Variants in CCSER1 observed in about 807,000 individuals in gnomAD.
CCSER1 encodes coiled-coil serine rich protein 1, also known as serine-rich coiled-coil domain-containing protein 1.
CCSER1 carries 41 observed loss-of-function variants against 82.0 expected under a neutral mutation model. That is an observed-to-expected ratio of 0.50 (90% CI 0.39 to 0.65). The LOEUF (loss-of-function observed/expected upper bound fraction) is 0.65, where lower values mean the gene tolerates loss of function less well. CCSER1 is among the 30% of genes least tolerant of loss of function. The pLI, the probability that CCSER1 is intolerant of heterozygous loss-of-function variation, is 0.00. For missense variants in CCSER1, 1,119 were observed against 1,064.2 expected (o/e 1.05, Z -0.72); for synonymous variants, 414 against 383.9 (o/e 1.08, Z -0.92).
intron 2 of CCSER1, among the ~76,000 whole-genome samples, chr4:90,312,275 T>C (rs1454717765): frequency 6.6e-6 from 1 of 152,094 alleles, no homozygotes; most frequent in Non-Finnish European, 1.5e-5. Flanking sequence ...GGACATGAGA[T>C]TGCAGAGGTG....
intron 9 of CCSER1, among the ~76,000 whole-genome samples, chr4:90,961,925 G>T (rs938629239): frequency 1.3e-5 from 2 of 152,040 alleles, no homozygotes; most frequent in South Asian, 2.1e-4. Flanking sequence ...AACAGAAAAT[G>T]AGAAAAGATT....
intron 5 of CCSER1, among the ~76,000 whole-genome samples, chr4:90,610,293 AAATAAAT>A (rs1354799763): frequency 8.0e-5 from 12 of 150,680 alleles, no homozygotes; most frequent in Admixed American, 2.0e-4. Flanking sequence ...ATAAATAAAT[AAATAAAT>A]AAAATGTGAT....
intron 4 of CCSER1, among the ~76,000 whole-genome samples, chr4:90,452,846 G>A (rs767174914): frequency 2.0e-5 from 3 of 152,106 alleles, no homozygotes; most frequent in Non-Finnish European, 4.4e-5. Context: ...AAGGACATGG[G>A]CTTGATTCTT....
At chr4:91,270,805 T>C (rs1268032387) in intron 10 of CCSER1, among the ~76,000 whole-genome samples, 2 of 152,200 alleles carry the variant, frequency 1.3e-5, no homozygotes, top group African/African-American at 2.4e-5. Flanking sequence ...AGTATGGAGA[T>C]AATATATGCT....
chr4:90,407,746 G>A (rs1378242347), intron 4 of CCSER1, among the ~76,000 whole-genome samples: 1 of 152,164 alleles, frequency 6.6e-6, no homozygotes. Flanking sequence ...TTCCAACTGA[G>A]GTACTGGGTT....
At position 91,243,407 on chromosome 4, in the gene CCSER1, T is replaced by C. The variant is rs541793643; in HGVS notation, c.2217+157413T>C. Among the ~76,000 whole-genome samples the C allele has an allele frequency of 8.1e-4, 123 of 152,098 alleles. 1 individual carries two copies. In the South Asian group the frequency reaches 0.013, roughly 16 times the overall value. On this transcript the variant is annotated intron_variant, in intron 10 of 10. Coordinates refer to ENST00000509176, the MANE Select transcript of CCSER1 (RefSeq NM_001145065.2). ...TAGAGCCAGTGGACTGGGGTAGCAC[T>C]GACCTAGGGAGACACCAGCTGCTGG...
intron 9 of CCSER1, among the ~76,000 whole-genome samples, chr4:90,984,723 C>T (rs1469222791): frequency 2.6e-5 from 4 of 151,606 alleles, no homozygotes; most frequent in East Asian, 1.9e-4. Flanking sequence ...TGGAAATGTG[C>T]ACTAGAATGC....
intron 5 of CCSER1, among the ~76,000 whole-genome samples, chr4:90,487,627 A>G (rs975862776): frequency 6.6e-6 from 1 of 152,166 alleles, no homozygotes; most frequent in African/African-American, 2.4e-5. Context: ...GAAAGAATGA[A>G]TATTTAATCT....
intron 10 of CCSER1, among the ~76,000 whole-genome samples, chr4:91,147,175 G>A (rs1026481761): frequency 1.3e-5 from 2 of 152,318 alleles, no homozygotes; most frequent in African/African-American, 2.4e-5. Context: ...GATGCGGTAG[G>A]TCAAGAGTGA....
chr4:91,050,459 C>T (rs539623288), intron 9 of CCSER1, among the ~76,000 whole-genome samples: 2 of 151,644 alleles, frequency 1.3e-5, no homozygotes, highest in Admixed American at 6.6e-5. Context: ...TAGACTAAAC[C>T]ATTTAATAAG....
At chr4:90,996,882 G>A (rs1460254728) in intron 9 of CCSER1, among the ~76,000 whole-genome samples, 1 of 152,044 alleles carries the variant, frequency 6.6e-6, no homozygotes, top group African/African-American at 2.4e-5. Context: ...TTATACCATG[G>A]TTTGTTTAAC....
chr4:90,705,546 G>C (rs1360661113), intron 6 of CCSER1, among the ~76,000 whole-genome samples: 2 of 152,210 alleles, frequency 1.3e-5, no homozygotes, highest in Admixed American at 1.3e-4. Context: ...GCTGCCTTTT[G>C]TTTGGCTATG....
chr4:91,207,239 G>A (rs969344800), intron 10 of CCSER1, among the ~76,000 whole-genome samples: 1 of 151,770 alleles, frequency 6.6e-6, no homozygotes, highest in Non-Finnish European at 1.5e-5. Flanking sequence ...TTATGTTCAG[G>A]TGTACATGTG....
intron 1 of CCSER1, among the ~76,000 whole-genome samples, chr4:90,203,278 A>G (rs1343399538): frequency 6.6e-6 from 1 of 152,164 alleles, no homozygotes; most frequent in African/African-American, 2.4e-5. Context: ...TACATGTGCC[A>G]TGGTGGTTTG....
chr4:90,694,820 G>A (rs890163470), intron 6 of CCSER1, among the ~76,000 whole-genome samples: 14 of 151,286 alleles, frequency 9.3e-5, no homozygotes, highest in African/African-American at 3.4e-4. Context: ...GTGTGTGTGT[G>A]TGTGTGTTTT....
chr4:91,294,632 G>A (rs1001225596), intron 10 of CCSER1, among the ~76,000 whole-genome samples: 1 of 151,780 alleles, frequency 6.6e-6, no homozygotes, highest in African/African-American at 2.4e-5. Context: ...GCTGTCAGGG[G>A]TTCCTGATGT....
At chr4:90,243,107 A>G (rs1720702649) in intron 1 of CCSER1, among the ~76,000 whole-genome samples, 1 of 137,478 alleles carries the variant, frequency 7.3e-6, no homozygotes, top group Non-Finnish European at 1.5e-5. Context: ...TCTCTTGTCC[A>G]GGCTGAAGTG....
rs539329327 is a variant in CCSER1 at position 90,910,620 on chromosome 4, G to A, written c.2095-12750G>A. Among the ~76,000 whole-genome samples the A allele has an allele frequency of 5.9e-5, 9 of 152,284 alleles. No individual in the cohort carries two copies. The South Asian group carries it at 1.9e-3, about 32-fold the overall frequency. On this transcript the variant is annotated intron_variant, in intron 8 of 10. Transcript: ENST00000509176. Reference sequence around the variant, plus strand: ...CTGCTCTCAGAGTGGTCACAGTGAAGGATGTCAGGCAGTTTTCTAGTTCAG... The same window carrying A: ...CTGCTCTCAGAGTGGTCACAGTGAAAGATGTCAGGCAGTTTTCTAGTTCAG...
chr4:91,375,168 T>C (rs1034100772), intron 10 of CCSER1, among the ~76,000 whole-genome samples: 1 of 152,188 alleles, frequency 6.6e-6, no homozygotes, highest in Non-Finnish European at 1.5e-5. Context: ...TAACAGGAGT[T>C]TGGAAGATGT....
Sources: allele counts gnomAD v4.1 joint callset (sites outside exome capture counted in the v4.1 genomes callset), GRCh38; gene constraint gnomAD v4.1.1; transcripts MANE v1.5; gene names NCBI Gene and HGNC (gene_info 2026-07-23, HGNC 2026-07-21).